Variants in CTNNA3 observed in about 807,000 individuals in gnomAD.
CTNNA3 encodes the protein catenin alpha-3.
CTNNA3 carries 76 observed loss-of-function variants against 95.7 expected under a neutral mutation model. The observed-to-expected ratio is 0.79, with a 90% confidence interval of 0.66 to 0.96. The LOEUF (loss-of-function observed/expected upper bound fraction) is 0.96, where lower values mean the gene tolerates loss of function less well. Among genes scored for constraint, CTNNA3 ranks in the 40% least tolerant of loss-of-function variants. CTNNA3 has a pLI of 0.00. For synonymous variants in CTNNA3, 431 were observed against 374.4 expected (o/e 1.15, Z -1.74); for missense variants, 1,191 against 1,089.8 (o/e 1.09, Z -1.31).
intron 3 of CTNNA3, among the ~76,000 whole-genome samples, chr10:67,573,847 A>T (rs1378214400): frequency 6.6e-6 from 1 of 152,158 alleles, no homozygotes; most frequent in Non-Finnish European, 1.5e-5. Context: ...ATTAAAAATA[A>T]GTTCTGATTA....
rs966631271 is a variant in CTNNA3 at position 67,053,754 on chromosome 10, G to A, written c.1047+126563C>T. Among the ~76,000 whole-genome samples the A allele has an allele frequency of 4.6e-5, 7 of 152,170 alleles. No homozygotes were observed. In the South Asian group the frequency reaches 8.3e-4, roughly 18 times the overall value. On this transcript the variant is annotated intron_variant, in intron 7 of 17. Transcript: ENST00000433211. Reference sequence around the variant, plus strand: ...GCAATGGAGAAAAGGAGTATGAAACGAATTCTGCTAAAGGAATTGCAAGAT... The same window carrying A: ...GCAATGGAGAAAAGGAGTATGAAACAAATTCTGCTAAAGGAATTGCAAGAT...
intron 10 of CTNNA3, among the ~76,000 whole-genome samples, chr10:66,564,050 G>A (rs576138259): frequency 6.6e-6 from 1 of 152,198 alleles, no homozygotes; most frequent in East Asian, 1.9e-4. Context: ...TCCTGAGGCT[G>A]TGTCAAGGGC....
chr10:66,151,227 G>A (rs868285830), intron 13 of CTNNA3, among the ~76,000 whole-genome samples: 18 of 151,876 alleles, frequency 1.2e-4, no homozygotes, highest in Admixed American at 6.6e-5. Context: ...AAAGTACTAT[G>A]GGGACAACTT....
intron 3 of CTNNA3, among the ~76,000 whole-genome samples, chr10:67,546,959 A>G (rs1309802283): frequency 6.6e-6 from 1 of 152,132 alleles, no homozygotes; most frequent in Non-Finnish European, 1.5e-5. Context: ...TTTGAAGTTG[A>G]AAGTTAATTT....
At position 67,043,135 on chromosome 10, in the gene CTNNA3, C is replaced by CT. The variant is rs34946963; in HGVS notation, c.1047+137181dup. 2.9e-4 allele frequency among the ~76,000 whole-genome samples: 30 copies of CT among 103,764 alleles called. 1 individual carries two copies. Among genetic ancestry groups the CT allele is most frequent in the African/African-American group, 6.7e-4 (21 of 31,560 alleles). 68.1% of individuals were successfully genotyped at this position (103,764 alleles called of 152,430 possible). Reference sequence around the variant, plus strand: ...TCATGCCTCAAGGCTCACTTTCTTTCTTTTTTTTTTTTTTTTTCTGTGCAA... The same window carrying CT: ...TCATGCCTCAAGGCTCACTTTCTTTCTTTTTTTTTTTTTTTTTTCTGTGCAA... On this transcript the variant is annotated intron_variant, in intron 7 of 17. Transcript: ENST00000433211.
At position 66,766,250 on chromosome 10, in the gene CTNNA3, T is replaced by C; in HGVS notation, c.1281+14A>G. The C allele has an allele frequency of 3.1e-6, 5 of 1,612,596 alleles. No individual in the cohort carries two copies. The highest frequency in any genetic ancestry group is 4.2e-6 in the Non-Finnish European group (5 of 1,178,952). ...CTCCTGGACTTTAGTGAGTTACAGT[T>C]CTAGCATGCTTACCTCTACAAGCCT... On this transcript the variant is annotated intron_variant, in intron 9 of 17. Coordinates refer to ENST00000433211, the MANE Select transcript of CTNNA3 (RefSeq NM_013266.4).
intron 3 of CTNNA3, among the ~76,000 whole-genome samples, chr10:67,556,872 G>C (rs1225701000): frequency 1.3e-5 from 2 of 152,088 alleles, no homozygotes; most frequent in African/African-American, 4.8e-5. Context: ...GATCTTTCCT[G>C]CTTTCTCTTG....
At chr10:67,587,208 TGTGTG>T (rs1842656970) in intron 3 of CTNNA3, among the ~76,000 whole-genome samples, 5 of 148,804 alleles carry the variant, frequency 3.4e-5, no homozygotes, top group African/African-American at 1.0e-4. Flanking sequence ...TGTGTGTGTG[TGTGTG>T]TGTGTGTGTG....
intron 17 of CTNNA3, among the ~76,000 whole-genome samples, chr10:65,951,838 G>T (rs954358713): frequency 6.6e-6 from 1 of 152,074 alleles, no homozygotes; most frequent in African/African-American, 2.4e-5. Flanking sequence ...GACCATCCTG[G>T]CTAACACGGT....
At chr10:66,057,409 TA>T (rs2080109007) in intron 15 of CTNNA3, among the ~76,000 whole-genome samples, 1 of 152,194 alleles carries the variant, frequency 6.6e-6, no homozygotes, top group African/African-American at 2.4e-5. Flanking sequence ...AGATTTCAGG[TA>T]AAAGCATTTA....
intron 5 of CTNNA3, among the ~76,000 whole-genome samples, chr10:67,505,665 G>A (rs193116897): frequency 5.9e-5 from 9 of 152,250 alleles, no homozygotes; most frequent in East Asian, 3.9e-4. Context: ...TAAGTACTCC[G>A]TATCAACAAT....
At chr10:67,510,251 A>G (rs1403467605) in intron 5 of CTNNA3, among the ~76,000 whole-genome samples, 1 of 152,140 alleles carries the variant, frequency 6.6e-6, no homozygotes, top group Non-Finnish European at 1.5e-5. Context: ...TTGGGTAATG[A>G]AGTCTTTGCC....
intron 7 of CTNNA3, among the ~76,000 whole-genome samples, chr10:66,877,931 CTGTTAA>C (rs1323030347): frequency 1.3e-5 from 2 of 152,056 alleles, no homozygotes; most frequent in Non-Finnish European, 2.9e-5. Context: ...AAAGTCTAAA[CTGTTAA>C]AGTCGCTAAG....
At chr10:67,188,040 C>T (rs1862941511) in intron 6 of CTNNA3, among the ~76,000 whole-genome samples, 1 of 152,202 alleles carries the variant, frequency 6.6e-6, no homozygotes, top group African/African-American at 2.4e-5. Flanking sequence ...CCCTGCCCTC[C>T]TCACAGGGCT....
chr10:66,341,973 A>G (rs1460037867), intron 12 of CTNNA3, among the ~76,000 whole-genome samples: 1 of 151,664 alleles, frequency 6.6e-6, no homozygotes, highest in Admixed American at 6.6e-5. Context: ...ATATATATAT[A>G]TATATTCACA....
chr10:66,579,186 G>A (rs913562360), intron 10 of CTNNA3, among the ~76,000 whole-genome samples: 4 of 151,640 alleles, frequency 2.6e-5, no homozygotes, highest in African/African-American at 9.7e-5. Context: ...GTAAAGTCAC[G>A]TTTTTCATTT....
intron 9 of CTNNA3, among the ~76,000 whole-genome samples, chr10:66,699,560 G>A (rs965346104): frequency 6.6e-6 from 1 of 151,536 alleles, no homozygotes; most frequent in African/African-American, 2.4e-5. Context: ...AAGTACTTTG[G>A]TCATTTTTTT....
chr10:65,972,772 A>G (rs1160327405), intron 16 of CTNNA3, among the ~76,000 whole-genome samples: 1 of 152,166 alleles, frequency 6.6e-6, no homozygotes, highest in African/African-American at 2.4e-5. Flanking sequence ...CATGCTGCTC[A>G]AAGCAATCTA....
intron 7 of CTNNA3, among the ~76,000 whole-genome samples, chr10:66,833,131 A>G (rs996695891): frequency 9.2e-5 from 14 of 152,318 alleles, no homozygotes; most frequent in Non-Finnish European, 1.9e-4. Context: ...TGAATTTTGG[A>G]TCTGCCATTC....
Sources: allele counts gnomAD v4.1 joint callset (sites outside exome capture counted in the v4.1 genomes callset), GRCh38; gene constraint gnomAD v4.1.1; transcripts MANE v1.5; gene names NCBI Gene and HGNC (gene_info 2026-07-23, HGNC 2026-07-21).